The following SHANK2 variants were observed in gnomAD, a reference collection of about 807,000 sequenced individuals.
The protein encoded by SHANK2 is SH3 and multiple ankyrin repeat domains protein 2.
In SHANK2, 43 loss-of-function variants were observed where a neutral mutation model predicts 133.7. The ratio of observed to expected loss-of-function variants is 0.32; its 90% CI spans 0.25 to 0.41. SHANK2 has a LOEUF of 0.41. SHANK2 is among the 10% of genes least tolerant of loss of function. The probability of loss-of-function intolerance (pLI) is 1.00; values close to 1 mark genes in which losing one functional copy is unlikely to be tolerated. For missense variants in SHANK2, 1,994 were observed against 2,235.8 expected (o/e 0.89, Z 2.18); for synonymous variants, 1,017 against 952.8 (o/e 1.07, Z -1.24).
At chr11:71,218,164 G>T (rs1954453517) in intron 2 of SHANK2, among the ~76,000 whole-genome samples, 1 of 151,544 alleles carries the variant, frequency 6.6e-6, no homozygotes, top group Admixed American at 6.6e-5. Flanking sequence ...CCGGCCAAGA[G>T]GTATTTTTTT....
intron 11 of SHANK2, among the ~76,000 whole-genome samples, chr11:70,860,695 G>T (rs1470208923): frequency 6.6e-6 from 1 of 152,136 alleles, no homozygotes; most frequent in Non-Finnish European, 1.5e-5. Flanking sequence ...AAAATGAAAT[G>T]CGAGCATGCA....
chr11:71,196,997 CAAAAAAA>C (rs71467429), intron 2 of SHANK2, among the ~76,000 whole-genome samples: 5 of 81,916 alleles, frequency 6.1e-5, no homozygotes, highest in African/African-American at 1.9e-4. Flanking sequence ...GACTCTGTCT[CAAAAAAA>C]AAAAAAAAAA....
chr11:70,588,644 T>C (rs571060810), intron 17 of SHANK2, among the ~76,000 whole-genome samples: 1 of 152,274 alleles, frequency 6.6e-6, no homozygotes, highest in South Asian at 2.1e-4. Context: ...AGGAAAAAAG[T>C]TGGAAGCTAG....
chr11:70,940,155 T>TTTCCTTCCTTCCTTCCTTCC (rs113406010), intron 10 of SHANK2, among the ~76,000 whole-genome samples: 28 of 119,864 alleles, frequency 2.3e-4, no homozygotes, highest in South Asian at 2.1e-3. Context: ...AGAGAATCAA[T>TTTCCTTCCTTCCTTCCTTCC]TTCCTTCCTT....
intron 5 of SHANK2, among the ~76,000 whole-genome samples, chr11:71,112,283 C>T (rs1202450761): frequency 6.6e-6 from 1 of 152,190 alleles, no homozygotes; most frequent in Admixed American, 6.5e-5. Flanking sequence ...ATCCCAGCTA[C>T]TCAGGAGGCT....
chr11:70,618,933 A>G (rs2060792879), intron 17 of SHANK2, among the ~76,000 whole-genome samples: 1 of 152,196 alleles, frequency 6.6e-6, no homozygotes, highest in African/African-American at 2.4e-5. Context: ...CAGGGGACAC[A>G]CAGGCTGACC....
chr11:70,473,482 C>G lies in SHANK2; in HGVS notation c.4980-43G>C. On this transcript the variant is annotated intron_variant, in intron 25 of 25. Coordinates refer to ENST00000601538, the MANE Select transcript of SHANK2 (RefSeq NM_012309.5). This position sits in a 1 kb window ranked among gnomAD's most constrained non-coding sequence, Gnocchi z 5.9. Reference sequence around the variant, plus strand: ...AGAAAACCATCACAAGGCAGGTCACCGAGTCAGGGCAGCTGGCTGCAGATC... The same window carrying G: ...AGAAAACCATCACAAGGCAGGTCACGGAGTCAGGGCAGCTGGCTGCAGATC... The G allele has an allele frequency of 6.3e-7, 1 of 1,589,618 alleles. No individual in the cohort carries two copies. The highest frequency in any genetic ancestry group is 2.2e-5 in the East Asian group (1 of 44,730).
chr11:70,492,661 C>A (rs532639518), intron 21 of SHANK2, among the ~76,000 whole-genome samples, 196 bp from the exon 22 acceptor site: 20 of 152,334 alleles, frequency 1.3e-4, no homozygotes, highest in Admixed American at 3.9e-4. Flanking sequence ...CAGGACCTTG[C>A]CCTCGGAGGC....
intron 14 of SHANK2, among the ~76,000 whole-genome samples, chr11:70,790,239 C>T (rs142539139): frequency 4.9e-4 from 74 of 152,290 alleles, no homozygotes; most frequent in Middle Eastern, 3.4e-3. Context: ...TTGGAAGATG[C>T]GGAAGGCAGT....
intron 10 of SHANK2, among the ~76,000 whole-genome samples, chr11:70,940,192 T>TCCTTCCCTCCCTCCC (rs1555084113): frequency 1.1e-4 from 17 of 148,566 alleles, no homozygotes; most frequent in African/African-American, 2.8e-4. Context: ...CCTTACTTCC[T>TCCTTCCCTCCCTCCC]TCCTTCCTGC....
intron 17 of SHANK2, chr11:70,603,492 G>A (rs2060527933): frequency 6.6e-6 from 1 of 152,324 alleles, no homozygotes. Flanking sequence ...AGTAAACCCA[G>A]AGTCCAGCAG....
At chr11:70,723,986 G>A (rs547520969) in intron 14 of SHANK2, among the ~76,000 whole-genome samples, 32 of 150,530 alleles carry the variant, frequency 2.1e-4, no homozygotes, top group Non-Finnish European at 3.7e-4. Context: ...AAAAAATCCC[G>A]CATCAAACCC....
At chr11:70,666,437 A>C (rs1555014822) in intron 15 of SHANK2, among the ~76,000 whole-genome samples, 1 of 152,176 alleles carries the variant, frequency 6.6e-6, no homozygotes, top group Non-Finnish European at 1.5e-5. Flanking sequence ...TCTGGAGACA[A>C]GAAACCCTCA....
At chr11:70,908,689 TG>T (rs1950146183) in intron 10 of SHANK2, among the ~76,000 whole-genome samples, 2 of 152,178 alleles carry the variant, frequency 1.3e-5, no homozygotes, top group Non-Finnish European at 2.9e-5. Flanking sequence ...CCAGGGATGC[TG>T]GGGTTCAGCA....
intron 14 of SHANK2, among the ~76,000 whole-genome samples, chr11:70,788,912 C>T (rs1947727050): frequency 6.6e-6 from 1 of 152,316 alleles, no homozygotes; most frequent in Admixed American, 6.5e-5. Flanking sequence ...TCACCACCAC[C>T]CTGTCGGGTC....
At chr11:71,208,457 C>T (rs543850647) in intron 2 of SHANK2, among the ~76,000 whole-genome samples, 3 of 152,230 alleles carry the variant, frequency 2.0e-5, no homozygotes, top group African/African-American at 4.8e-5. Context: ...TTCCAAATCT[C>T]GGATAGCTCC....
chr11:71,093,401 A>G (rs1327850929), intron 7 of SHANK2, among the ~76,000 whole-genome samples: 3 of 151,884 alleles, frequency 2.0e-5, no homozygotes, highest in Admixed American at 6.6e-5. Context: ...CTGCGTCCCC[A>G]CTCAAATCTC....
At chr11:70,640,939 AGCCTCTTC>A (rs1555006110) in intron 17 of SHANK2, among the ~76,000 whole-genome samples, 5 of 152,294 alleles carry the variant, frequency 3.3e-5, no homozygotes, top group African/African-American at 1.2e-4. Context: ...GGATGCAAAG[AGCCTCTTC>A]GCTTGAGGCC....
intron 8 of SHANK2, among the ~76,000 whole-genome samples, chr11:71,085,720 T>TTATAG (rs1277475122): frequency 3.1e-5 from 2 of 65,548 alleles, no homozygotes; most frequent in Non-Finnish European, 5.2e-5. Flanking sequence ...ATATATTATA[T>TTATAG]TATATAAAAT....
Sources: allele counts gnomAD v4.1 joint callset (sites outside exome capture counted in the v4.1 genomes callset), GRCh38; gene constraint gnomAD v4.1.1; non-coding constraint Gnocchi (gnomAD v3.1); transcripts MANE v1.5; gene names NCBI Gene and HGNC (gene_info 2026-07-23, HGNC 2026-07-21).